The following ZFPM2 variants were observed in gnomAD, a reference collection of about 807,000 sequenced individuals.
The protein encoded by ZFPM2 is zinc finger protein, FOG family member 2.
Under a neutral mutation model 98.6 loss-of-function variants are expected in ZFPM2, and 20 were observed. The ratio of observed to expected loss-of-function variants is 0.20; its 90% CI spans 0.14 to 0.29. ZFPM2 has a LOEUF of 0.29. Among genes scored for constraint, ZFPM2 ranks in the 10% least tolerant of loss-of-function variants. The pLI is 1.00. For synonymous variants in ZFPM2, 518 were observed against 502.7 expected (o/e 1.03, Z -0.41); for missense variants, 1,310 against 1,388.6 (o/e 0.94, Z 0.90).
Position 105,537,833 on chromosome 8 carries a change from T to A in ZFPM2, c.302-23530T>A, listed in dbSNP as rs185789155. On this transcript the variant is annotated intron_variant, in intron 3 of 7. Transcript: ENST00000407775. ...GCAACCTCCACCTCCTGGATTCAAG[T>A]GATTCCCCTGCCTCAGCCTCCCTAG... Among the ~76,000 whole-genome samples the A allele has an allele frequency of 2.8e-3, 421 of 152,060 alleles. 1 individual carries two copies. Among genetic ancestry groups the A allele is most frequent in the Non-Finnish European group, 4.3e-3 (292 of 67,960 alleles).
intron 3 of ZFPM2, among the ~76,000 whole-genome samples, chr8:105,487,404 C>T (rs1421622635): frequency 6.6e-6 from 1 of 152,146 alleles, no homozygotes; most frequent in Non-Finnish European, 1.5e-5. Flanking sequence ...CAGGTGTGAG[C>T]CACCATATCC....
chr8:105,664,322 TGTGTG>T (rs1225671364), intron 5 of ZFPM2, among the ~76,000 whole-genome samples: 4 of 22,910 alleles, frequency 1.7e-4, no homozygotes, highest in Non-Finnish European at 3.1e-4. Context: ...ATAAAATTCT[TGTGTG>T]TGTGTGTGTG....
At chr8:105,413,272 A>T (rs972981744) in intron 1 of ZFPM2, among the ~76,000 whole-genome samples, 1 of 151,846 alleles carries the variant, frequency 6.6e-6, no homozygotes, top group African/African-American at 2.4e-5. Context: ...CATCACATAG[A>T]ATATGTAGCA....
chr8:105,409,740 G>C (rs1303043371), intron 1 of ZFPM2, among the ~76,000 whole-genome samples: 5 of 151,868 alleles, frequency 3.3e-5, no homozygotes, highest in Non-Finnish European at 2.9e-5. Flanking sequence ...GCATACATCA[G>C]AATCACCTAC....
intron 5 of ZFPM2, among the ~76,000 whole-genome samples, chr8:105,689,614 G>C (rs182885354): frequency 2.0e-5 from 3 of 152,308 alleles, no homozygotes; most frequent in Admixed American, 1.3e-4. Flanking sequence ...GAAAACTGTT[G>C]AATCAGGGAC....
At chr8:105,746,278 C>T (rs1280833399) in intron 5 of ZFPM2, among the ~76,000 whole-genome samples, 1 of 151,690 alleles carries the variant, frequency 6.6e-6, no homozygotes, top group African/African-American at 2.4e-5. Context: ...TTTTACAGCT[C>T]CTTTTAAAAC....
chr8:105,632,143 G>GGTTTT lies in ZFPM2; in HGVS notation c.421-2075_421-2071dup, dbSNP rs201913090. Among the ~76,000 whole-genome samples the GGTTTT allele has an allele frequency of 2.9e-3, 435 of 151,726 alleles. 3 individuals carry two copies. Among genetic ancestry groups the GGTTTT allele is most frequent in the South Asian group, 7.3e-3 (35 of 4,784 alleles). On this transcript the variant is annotated intron_variant, in intron 4 of 7. Transcript: ENST00000407775. ...GCCTGGAGAGCTGCAGATCCTTTGG[G>GGTTTT]GTTTTGTTTTGTTTTGTTTTGTTTT...
At chr8:105,542,364 G>T (rs1367263976) in intron 3 of ZFPM2, among the ~76,000 whole-genome samples, 1 of 152,108 alleles carries the variant, frequency 6.6e-6, no homozygotes, top group Admixed American at 6.6e-5. Flanking sequence ...TCTATAGCGA[G>T]ATGTGTTAAA....
intron 5 of ZFPM2, among the ~76,000 whole-genome samples, chr8:105,747,017 C>T (rs1586236090): frequency 1.3e-5 from 2 of 152,074 alleles, no homozygotes; most frequent in African/African-American, 4.8e-5. Context: ...GGGAAAAAAA[C>T]TTCAAATAGC....
intron 3 of ZFPM2, among the ~76,000 whole-genome samples, chr8:105,477,237 CTTTTTTTTTTTTT>C (rs397891589): frequency 1.3e-5 from 1 of 74,474 alleles, no homozygotes; most frequent in African/African-American, 5.3e-5. Context: ...TGCTAGCAAT[CTTTTTTTTTTTTT>C]TTTTTTTTTT....
At chr8:105,405,992 T>C (rs1811449197) in intron 1 of ZFPM2, among the ~76,000 whole-genome samples, 1 of 152,186 alleles carries the variant, frequency 6.6e-6, no homozygotes, top group South Asian at 2.1e-4. Flanking sequence ...TGAGATGGTA[T>C]CTCATTGTGG....
chr8:105,326,587 C>T (rs1000498681), intron 1 of ZFPM2, among the ~76,000 whole-genome samples: 1 of 151,546 alleles, frequency 6.6e-6, no homozygotes, highest in Non-Finnish European at 1.5e-5. Flanking sequence ...CAAGGTAATG[C>T]TATTTATTAT....
chr8:105,514,349 C>G (rs1334051676), intron 3 of ZFPM2, among the ~76,000 whole-genome samples: 1 of 140,798 alleles, frequency 7.1e-6, no homozygotes, highest in African/African-American at 2.7e-5. Flanking sequence ...ATAAGGGAGC[C>G]AGATAGGCCT....
intron 1 of ZFPM2, among the ~76,000 whole-genome samples, chr8:105,320,761 T>C (rs1812010583): frequency 1.3e-5 from 2 of 152,218 alleles, no homozygotes; most frequent in Admixed American, 1.3e-4. Flanking sequence ...GTCCACCTCA[T>C]ATAATTGAAG....
intron 5 of ZFPM2, among the ~76,000 whole-genome samples, chr8:105,643,814 A>G (rs1163913125): frequency 1.3e-5 from 2 of 152,160 alleles, no homozygotes; most frequent in African/African-American, 4.8e-5. Context: ...CACAAAGAAA[A>G]TGAGAAAGTG....
At chr8:105,417,636 G>C (rs1446998996) in intron 1 of ZFPM2, among the ~76,000 whole-genome samples, 1 of 152,008 alleles carries the variant, frequency 6.6e-6, no homozygotes, top group African/African-American at 2.4e-5. Flanking sequence ...TTCTTTGCTT[G>C]TCTTGCTCTT....
At chr8:105,695,798 C>G (rs1586203778) in intron 5 of ZFPM2, among the ~76,000 whole-genome samples, 1 of 151,618 alleles carries the variant, frequency 6.6e-6, no homozygotes, top group African/African-American at 2.4e-5. Context: ...TAAGTCATCT[C>G]TACATTGGAC....
At chr8:105,339,268 G>T (rs1392545694) in intron 1 of ZFPM2, among the ~76,000 whole-genome samples, 1 of 151,726 alleles carries the variant, frequency 6.6e-6, no homozygotes, top group Non-Finnish European at 1.5e-5. Context: ...TTATTCTGTT[G>T]TTCCATCTTT....
At chr8:105,520,886 G>A (rs10955398) in intron 3 of ZFPM2, among the ~76,000 whole-genome samples, 45,172 of 151,644 alleles carry the variant, frequency 0.3, 8,080 homozygotes, top group Non-Finnish European at 0.39. Flanking sequence ...GAGGGCTGGG[G>A]CCTTAAAGTG....
Sources: allele counts gnomAD v4.1 joint callset (sites outside exome capture counted in the v4.1 genomes callset), GRCh38; gene constraint gnomAD v4.1.1; transcripts MANE v1.5; gene names NCBI Gene and HGNC (gene_info 2026-07-23, HGNC 2026-07-21).